Variants in KHDRBS2 observed in about 807,000 individuals in gnomAD.
KHDRBS2 encodes the protein KH domain-containing, RNA-binding, signal transduction-associated protein 2.
A neutral mutation model predicts 44.3 loss-of-function variants in KHDRBS2; 26 were observed. That is an observed-to-expected ratio of 0.59 (90% CI 0.43 to 0.81). The LOEUF is 0.81. KHDRBS2 is among the 40% of genes least tolerant of loss of function. The pLI is 0.00. For missense variants in KHDRBS2, 476 were observed against 433.1 expected (o/e 1.10, Z -0.88); for synonymous variants, 194 against 151.1 (o/e 1.28, Z -2.08).
At chr6:62,158,710 A>G (rs1008770780) in intron 2 of KHDRBS2, among the ~76,000 whole-genome samples, 4 of 152,142 alleles carry the variant, frequency 2.6e-5, no homozygotes, top group African/African-American at 9.7e-5. Context: ...TAGGAAGATA[A>G]ATCTTACCCT....
intron 2 of KHDRBS2, among the ~76,000 whole-genome samples, chr6:62,086,586 A>G (rs1233829348): frequency 6.6e-6 from 1 of 152,174 alleles, no homozygotes; most frequent in Non-Finnish European, 1.5e-5. Context: ...ACGAGGTGAC[A>G]AGGATTCCCC....
chr6:62,143,805 C>T (rs1813359226), intron 2 of KHDRBS2, among the ~76,000 whole-genome samples: 1 of 151,864 alleles, frequency 6.6e-6, no homozygotes, highest in African/African-American at 2.4e-5. Context: ...GTATGCTGCT[C>T]TTGAAGTTGT....
At chr6:61,640,873 A>G in the KHDRBS2 span, among the ~76,000 whole-genome samples, 2 of 152,166 alleles carry the variant, frequency 1.3e-5, no homozygotes, top group African/African-American at 4.8e-5. Flanking sequence ...GGCAGAAAAC[A>G]GATGAATTGG....
intron 1 of KHDRBS2, among the ~76,000 whole-genome samples, chr6:62,220,837 T>C (rs1161403416): frequency 6.6e-6 from 1 of 151,908 alleles, no homozygotes; most frequent in African/African-American, 2.4e-5. Context: ...TCAGTGACTA[T>C]TTCAATGGAA....
At chr6:61,721,895 G>A (rs1165808420) in intron 7 of KHDRBS2, among the ~76,000 whole-genome samples, 2 of 145,140 alleles carry the variant, frequency 1.4e-5, no homozygotes, top group Non-Finnish European at 3.0e-5. Context: ...TGCCCATTCA[G>A]TATGATATTG....
intron 2 of KHDRBS2, among the ~76,000 whole-genome samples, chr6:62,088,642 C>T (rs1336669629): frequency 6.6e-6 from 1 of 152,154 alleles, no homozygotes; most frequent in Non-Finnish European, 1.5e-5. Flanking sequence ...CTGTAGACCA[C>T]TGCTGGGAAG....
At chr6:61,945,107 A>ATATATATGT (rs1562490070) in intron 4 of KHDRBS2, among the ~76,000 whole-genome samples, 2 of 37,402 alleles carry the variant, frequency 5.3e-5, no homozygotes, top group African/African-American at 8.9e-5. Flanking sequence ...AAAAAAAAAA[A>ATATATATGT]AAAAAGTATA....
At chr6:62,221,583 A>T (rs1036592554) in intron 1 of KHDRBS2, among the ~76,000 whole-genome samples, 5 of 152,242 alleles carry the variant, frequency 3.3e-5, no homozygotes, top group Non-Finnish European at 5.9e-5. Context: ...AAAAAAATTT[A>T]AAAAGAACAT....
At chr6:62,213,767 C>T (rs1044488096) in intron 1 of KHDRBS2, among the ~76,000 whole-genome samples, 9 of 147,802 alleles carry the variant, frequency 6.1e-5, no homozygotes, top group East Asian at 4.1e-4. Context: ...CCAGCTATTC[C>T]GGAGGCTGAG....
chr6:62,280,578 A>G (rs1040335801), intron 1 of KHDRBS2, among the ~76,000 whole-genome samples: 5 of 152,230 alleles, frequency 3.3e-5, no homozygotes, highest in African/African-American at 1.2e-4. Flanking sequence ...GCCAAACCGA[A>G]TAATTCTAAA....
intron 1 of KHDRBS2, among the ~76,000 whole-genome samples, chr6:62,204,905 T>C (rs1475465034): frequency 1.3e-5 from 2 of 152,108 alleles, no homozygotes; most frequent in East Asian, 1.9e-4. Flanking sequence ...GCCTATGTAG[T>C]TCAAGCCCAT....
chr6:62,092,131 A>G (rs1396816166), intron 2 of KHDRBS2, among the ~76,000 whole-genome samples: 1 of 151,008 alleles, frequency 6.6e-6, no homozygotes, highest in Non-Finnish European at 1.5e-5. Flanking sequence ...TTTTTTTTTA[A>G]TCTTCTGCTC....
chr6:62,066,861 G>T (rs536211990), intron 2 of KHDRBS2, among the ~76,000 whole-genome samples: 1 of 151,444 alleles, frequency 6.6e-6, no homozygotes, highest in Non-Finnish European at 1.5e-5. Flanking sequence ...GATTATTCAA[G>T]GTTTGGGCTG....
intron 6 of KHDRBS2, among the ~76,000 whole-genome samples, chr6:61,816,066 A>G (rs1562237116): frequency 6.6e-6 from 1 of 152,156 alleles, no homozygotes. Context: ...TTGAGATGGA[A>G]TAGTATCCCT....
At chr6:61,548,410 T>TA in the KHDRBS2 span, among the ~76,000 whole-genome samples, 1 of 152,142 alleles carries the variant, frequency 6.6e-6, no homozygotes, top group Non-Finnish European at 1.5e-5. Flanking sequence ...GGGATCTTGT[T>TA]AAAATGCAGA....
intron 1 of KHDRBS2, among the ~76,000 whole-genome samples, chr6:62,213,166 T>G (rs903014906): frequency 6.6e-6 from 1 of 152,190 alleles, no homozygotes; most frequent in Non-Finnish European, 1.5e-5. Flanking sequence ...ATCAATATAA[T>G]GCTGGGGCAT....
the KHDRBS2 span, among the ~76,000 whole-genome samples, chr6:61,597,773 T>TATATATATATA: frequency 4.7e-5 from 2 of 42,330 alleles, no homozygotes; most frequent in African/African-American, 8.6e-5. Context: ...TATATATATA[T>TATATATATATA]ACACCAAGAT....
chr6:61,705,880 A>G (rs1375949866), intron 7 of KHDRBS2, among the ~76,000 whole-genome samples: 1 of 151,766 alleles, frequency 6.6e-6, no homozygotes, highest in Non-Finnish European at 1.5e-5. Flanking sequence ...TACACCTCCT[A>G]TAAATAACAT....
At chr6:61,643,099 G>C in the KHDRBS2 span, among the ~76,000 whole-genome samples, 29,519 of 151,940 alleles carry the variant, frequency 0.19, 3,345 homozygotes, top group South Asian at 0.33. Flanking sequence ...TGTATGTTCT[G>C]ATATGTATAT....
Sources: gnomAD v4.1 joint callset for allele counts (sites outside exome capture counted in the v4.1 genomes callset) on GRCh38, gnomAD v4.1.1 for gene constraint, MANE v1.5 for transcripts, NCBI Gene and HGNC (gene_info 2026-07-23, HGNC 2026-07-21) for gene names.